The following LRRC28 variants were observed in gnomAD, a reference collection of about 807,000 sequenced individuals.
The protein encoded by LRRC28 is leucine-rich repeat-containing protein 28.
In LRRC28, 39 loss-of-function variants were observed where a neutral mutation model predicts 45.7. The ratio of observed to expected loss-of-function variants is 0.85; its 90% confidence interval spans 0.66 to 1.12. The LOEUF is 1.12. LRRC28 is among the 50% of genes most tolerant of loss of function. The probability of loss-of-function intolerance (pLI) is 0.00; values close to 1 mark genes in which losing one functional copy is unlikely to be tolerated. For synonymous variants in LRRC28, 206 were observed against 178.8 expected, an observed-to-expected ratio of 1.15 and a Z score of -1.22; for missense variants, 435 against 438.5, an observed-to-expected ratio of 0.99 and a Z score of 0.07.
chr15:99,385,804 A>G (rs1407763850), intron 9 of LRRC28, among the ~76,000 whole-genome samples: 1 of 150,172 alleles, frequency 6.7e-6, no homozygotes, highest in Non-Finnish European at 1.5e-5. Flanking sequence ...GAACGCTGCT[A>G]TTAAAATGAA....
intron 9 of LRRC28, among the ~76,000 whole-genome samples, chr15:99,383,925 A>G (rs1002937532): frequency 9.9e-5 from 15 of 152,164 alleles, no homozygotes; most frequent in East Asian, 1.9e-4. Context: ...TGCTTAATGT[A>G]TCATATTCTG....
intron 3 of LRRC28, among the ~76,000 whole-genome samples, chr15:99,279,890 C>T (rs1195457244): frequency 1.3e-5 from 2 of 152,138 alleles, no homozygotes; most frequent in South Asian, 2.1e-4. Context: ...TAAAAAACTG[C>T]CGGTTTACCA....
intron 5 of LRRC28, among the ~76,000 whole-genome samples, chr15:99,294,858 A>G (rs951719508): frequency 1.1e-4 from 16 of 152,194 alleles, no homozygotes; most frequent in Non-Finnish European, 1.2e-4. Context: ...CCTGTCCTGC[A>G]TCTTTCAGGT....
At position 99,251,483 on chromosome 15, in the gene LRRC28, C is replaced by CCCCCGCTTGGCTTCCAG. The variant is rs1294714660; in HGVS notation, c.-117_-101dup. On this transcript the variant is annotated 5_prime_UTR_variant, in exon 1 of 10. Transcript: ENST00000301981. ...CTCCCTGCCCCGCCCCGCCCGCCGT[C>CCCCCGCTTGGCTTCCAG]CCCCGCTTGGCTTCCAGCGCCGCTT... 2.0e-5 allele frequency: 3 copies of CCCCCGCTTGGCTTCCAG among 152,368 alleles called. No homozygotes were observed. The highest frequency in any genetic ancestry group is 7.2e-5 in the African/African-American group (3 of 41,414). 9.4% of individuals were successfully genotyped at this position (152,368 alleles called of 1,614,324 possible).
At chr15:99,385,492 C>G (rs1407571411) in intron 9 of LRRC28, among the ~76,000 whole-genome samples, 1 of 152,240 alleles carries the variant, frequency 6.6e-6, no homozygotes, top group Non-Finnish European at 1.5e-5. Context: ...GTGCCCAAAC[C>G]TCTGATATGT....
At chr15:99,291,947 C>G (rs909365641) in intron 5 of LRRC28, among the ~76,000 whole-genome samples, 1 of 152,188 alleles carries the variant, frequency 6.6e-6, no homozygotes, top group African/African-American at 2.4e-5. Flanking sequence ...AGCACCTTCT[C>G]ATGTATTTAT....
chr15:99,383,938 G>A (rs921714206), intron 9 of LRRC28, among the ~76,000 whole-genome samples: 7 of 152,106 alleles, frequency 4.6e-5, no homozygotes, highest in African/African-American at 1.4e-4. Flanking sequence ...ATATTCTGAG[G>A]TATAGGTGAA....
chr15:99,291,148 G>C (rs1285008380), intron 5 of LRRC28, among the ~76,000 whole-genome samples: 2 of 152,266 alleles, frequency 1.3e-5, no homozygotes, highest in Non-Finnish European at 2.9e-5. Context: ...AACCAGTGAA[G>C]GGTATATGTT....
intron 5 of LRRC28, among the ~76,000 whole-genome samples, chr15:99,330,008 C>T (rs1956109649): frequency 6.6e-6 from 1 of 152,012 alleles, no homozygotes. Context: ...GTAAAGTGAC[C>T]TATCAAGTAT....
In LRRC28 at chr15:99,256,055, A is replaced by G. The variant is rs2081010345; in HGVS notation, c.98A>G (p.Glu33Gly). 6.2e-7 allele frequency: 1 copy of G among 1,613,800 alleles called. No individual in the cohort carries two copies. The highest frequency in any genetic ancestry group is 8.5e-7 in the Non-Finnish European group (1 of 1,179,932). The part of the protein sequence containing the change: ...NYRNLHHFPL[E>G]LLKDEGLQYL... ...AGGAATCTGCACCATTTTCCATTGG[A>G]GTTACTGAAAGATGAGGGACTGCAG... The change falls in exon 2 of 10, where the codon GAG becomes GGG. Residue 33 changes from glutamate (E) to glycine (G), a missense_variant. Glu to Gly is a moderately conservative substitution (Grantham distance 98). Transcript: ENST00000301981.
At chr15:99,311,326 G>A (rs956851673) in intron 5 of LRRC28, among the ~76,000 whole-genome samples, 33 of 152,216 alleles carry the variant, frequency 2.2e-4, no homozygotes, top group African/African-American at 6.7e-4. Context: ...TACTTCTTTC[G>A]TTGCTTTACG....
chr15:99,319,360 A>C (rs1049495960), intron 5 of LRRC28, among the ~76,000 whole-genome samples: 2 of 152,184 alleles, frequency 1.3e-5, no homozygotes, highest in Non-Finnish European at 2.9e-5. Flanking sequence ...AGAATGAGGA[A>C]GATAAAGGAT....
At chr15:99,351,457 C>G (rs1009689597) in intron 6 of LRRC28, among the ~76,000 whole-genome samples, 12 of 152,182 alleles carry the variant, frequency 7.9e-5, no homozygotes, top group Non-Finnish European at 1.3e-4. Context: ...TTGGGGCCCC[C>G]TTTCTCAACT....
At chr15:99,289,576 A>G (rs920146812) in intron 5 of LRRC28, among the ~76,000 whole-genome samples, 4 of 152,248 alleles carry the variant, frequency 2.6e-5, no homozygotes, top group Admixed American at 1.3e-4. Context: ...ATTAAAACAT[A>G]CTAATGGATT....
chr15:99,361,984 T>C (rs1176753534), intron 8 of LRRC28, among the ~76,000 whole-genome samples: 1 of 152,088 alleles, frequency 6.6e-6, no homozygotes, highest in Non-Finnish European at 1.5e-5. Context: ...ATCTCAGCAA[T>C]ATGTAGACCT....
At chr15:99,356,570 T>C (rs891109721) in intron 7 of LRRC28, among the ~76,000 whole-genome samples, 2 of 152,162 alleles carry the variant, frequency 1.3e-5, no homozygotes, top group African/African-American at 4.8e-5. Context: ...TAAAAGAATC[T>C]TATGCATGTA....
At chr15:99,313,613 T>C (rs1348847778) in intron 5 of LRRC28, among the ~76,000 whole-genome samples, 1 of 152,218 alleles carries the variant, frequency 6.6e-6, no homozygotes, top group Non-Finnish European at 1.5e-5. Flanking sequence ...ATCATTTTCT[T>C]TCAGCCCTTT....
chr15:99,318,963 A>C (rs897029307), intron 5 of LRRC28, among the ~76,000 whole-genome samples: 2 of 152,104 alleles, frequency 1.3e-5, no homozygotes, highest in Non-Finnish European at 2.9e-5. Context: ...GGTAATCTGA[A>C]ATGTATATGC....
intron 9 of LRRC28, among the ~76,000 whole-genome samples, chr15:99,367,481 C>T (rs542648677): frequency 1.3e-5 from 2 of 152,178 alleles, no homozygotes; most frequent in Admixed American, 1.3e-4. Context: ...TCAGGAACCC[C>T]CTCCCACGAT....
Sources: allele counts gnomAD v4.1 joint callset (sites outside exome capture counted in the v4.1 genomes callset), GRCh38; gene constraint gnomAD v4.1.1; transcripts MANE v1.5; gene names NCBI Gene and HGNC (gene_info 2026-07-23, HGNC 2026-07-21).